CFAP77: variants seen among roughly 807,000 people sequenced by gnomAD.
The protein encoded by CFAP77 is cilia and flagella associated protein 77.
In CFAP77, 25 loss-of-function variants were observed where a neutral mutation model predicts 31.1. The ratio of observed to expected loss-of-function variants is 0.80; its 90% CI spans 0.59 to 1.12. The LOEUF is 1.12. CFAP77 is among the 50% of genes most tolerant of loss of function. CFAP77 has a pLI of 0.00. For synonymous variants in CFAP77, 151 were observed against 159.9 expected, an observed-to-expected ratio of 0.94 and a Z score of 0.42; for missense variants, 377 against 397.3, an observed-to-expected ratio of 0.95 and a Z score of 0.44.
In CFAP77 at chr9:132,542,997, A is replaced by G. The variant is rs1852671522; in HGVS notation, c.682A>G (p.Lys228Glu). Residue 228 changes from lysine to glutamate, a missense_variant, in exon 5 of 6, where the codon AAG becomes GAG. Lys to Glu is a moderately conservative substitution (Grantham distance 56). Transcript: ENST00000393216. ...ETRSSQLRKY[K>E]PPVKLDTLWH... ...CCGGAGCAGTCAGCTGAGGAAGTACAAGCCGCCCGTGAAGCTGGACACCCT... is the reference window on the plus strand; with the variant it reads ...CCGGAGCAGTCAGCTGAGGAAGTACGAGCCGCCCGTGAAGCTGGACACCCT... 1.9e-6 allele frequency: 3 copies of G among 1,613,994 alleles called. No individual in the cohort carries two copies. In the African/African-American group the frequency reaches 4.0e-5, roughly 22 times the overall value.
chr9:132,572,465 C>T lies in CFAP77; in HGVS notation c.810C>T (p.Ala270=), dbSNP rs145044489. The change falls in exon 6 of 6, where the codon GCC becomes GCT. Residue 270 remains alanine, a synonymous_variant. Transcript: ENST00000393216. The part of the protein sequence containing the change: ...RALKAHREEC[A]VRQGTLRMGN... ...TAAAAGCCCACCGGGAAGAGTGTGC[C>T]GTGCGCCAGGGGACCCTGCGGATGG... 65 of 1,611,074 alleles carry T rather than the reference C, an allele frequency of 4.0e-5. 1 individual carries two copies. The Middle Eastern group carries it at 4.9e-4, about 12-fold the overall frequency.
intron 1 of CFAP77, among the ~76,000 whole-genome samples, chr9:132,415,522 C>G (rs1420043158): frequency 6.6e-6 from 1 of 152,216 alleles, no homozygotes; most frequent in Non-Finnish European, 1.5e-5. Context: ...GTTAATTAAG[C>G]GCAGACCTCA....
At chr9:132,417,502 G>A (rs1850125260) in intron 1 of CFAP77, among the ~76,000 whole-genome samples, 1 of 152,236 alleles carries the variant, frequency 6.6e-6, no homozygotes, top group African/African-American at 2.4e-5. Context: ...CAGCAGAGAG[G>A]AAGGCCAGCA....
At chr9:132,571,829 T>C (rs1338538779) in intron 5 of CFAP77, among the ~76,000 whole-genome samples, 1 of 151,678 alleles carries the variant, frequency 6.6e-6, no homozygotes, top group African/African-American at 2.4e-5. Context: ...GAGATACCGA[T>C]TGCACAAAAT....
intron 5 of CFAP77, among the ~76,000 whole-genome samples, chr9:132,551,282 CTT>C (rs35744884): frequency 0.011 from 1,615 of 143,294 alleles, 36 homozygotes; most frequent in African/African-American, 0.039. Context: ...CCTGGGTGCC[CTT>C]TTTTTTTTTT....
chr9:132,539,605 G>T lies in CFAP77; in HGVS notation c.630+1899G>T, dbSNP rs985998530. Among the ~76,000 whole-genome samples, 1 of 152,130 alleles carries T rather than the reference G, an allele frequency of 6.6e-6. No individual in the cohort carries two copies. The highest frequency in any genetic ancestry group is 2.1e-4 in the South Asian group (1 of 4,818). ...TTCTAGGGCCAACCAGGGGATCGGAGGAGTCTTTCTCGAAATCCTGGTACC... is the reference window on the plus strand; with the variant it reads ...TTCTAGGGCCAACCAGGGGATCGGATGAGTCTTTCTCGAAATCCTGGTACC... On this transcript the variant is annotated intron_variant, in intron 4 of 5. Coordinates refer to ENST00000393216, the MANE Select transcript of CFAP77 (RefSeq NM_001282957.2). This position sits in a 1 kb window ranked among gnomAD's most constrained non-coding sequence, Gnocchi z 4.3.
chr9:132,552,744 C>G lies in CFAP77; in HGVS notation c.732+9697C>G, dbSNP rs974324321. Among the ~76,000 whole-genome samples, 2 of 151,480 alleles carry G rather than the reference C, an allele frequency of 1.3e-5. No individual in the cohort carries two copies. The highest frequency in any genetic ancestry group is 2.9e-5 in the Non-Finnish European group (2 of 67,924). On this transcript the variant is annotated intron_variant, in intron 5 of 5. Coordinates refer to ENST00000393216, the MANE Select transcript of CFAP77 (RefSeq NM_001282957.2). The surrounding 1 kb of genome is among the most constrained non-coding windows in gnomAD (Gnocchi z 5.5). ...TCCAGGGCCTCTCCAGGACTCTGAT[C>G]CAGTGGGTCTGGGACAGCCACCAAA... is the stretch of plus-strand genomic sequence containing the variant.
chr9:132,495,541 T>C lies in CFAP77; in HGVS notation c.196-3154T>C, dbSNP rs1465669668. Among the ~76,000 whole-genome samples, 1 of 152,116 alleles carries C rather than the reference T, an allele frequency of 6.6e-6. No individual in the cohort carries two copies. Among genetic ancestry groups the C allele is most frequent in the Non-Finnish European group, 1.5e-5 (1 of 68,014 alleles). On this transcript the variant is annotated intron_variant, in intron 1 of 5. Coordinates refer to ENST00000393216, the MANE Select transcript of CFAP77 (RefSeq NM_001282957.2). The surrounding 1 kb of genome is among the most constrained non-coding windows in gnomAD (Gnocchi z 4.2). The stretch of plus-strand genomic sequence containing the variant: ...AACAAGCCACCCTGCAGGGTCCCCA[T>C]GCACCCGCCTGAAACTCAGAGCCCC...
intron 3 of CFAP77, among the ~76,000 whole-genome samples, chr9:132,500,982 T>C (rs1291097875): frequency 6.6e-6 from 1 of 152,252 alleles, no homozygotes; most frequent in African/African-American, 2.4e-5. Context: ...TCTTCCAGAA[T>C]TGGCCCTTCC....
At chr9:132,486,050 ATGTATGTGTGTGTGTG>A (rs1851544454) in intron 1 of CFAP77, among the ~76,000 whole-genome samples, 7 of 36,076 alleles carry the variant, frequency 1.9e-4, no homozygotes, top group Non-Finnish European at 2.6e-4. Context: ...ATGTATGTAT[ATGTATGTGTGTGTGTG>A]TATATATATA....
intron 1 of CFAP77, among the ~76,000 whole-genome samples, chr9:132,465,514 C>T (rs768502553): frequency 6.6e-6 from 1 of 152,120 alleles, no homozygotes; most frequent in Non-Finnish European, 1.5e-5. Flanking sequence ...GCAGATCCCA[C>T]GTGTGCAGGG....
chr9:132,482,698 G>A (rs1851469460), intron 1 of CFAP77, among the ~76,000 whole-genome samples: 1 of 151,304 alleles, frequency 6.6e-6, no homozygotes, highest in South Asian at 2.1e-4. Flanking sequence ...ACATCGAGTG[G>A]GCGCTGGCAA....
chr9:132,475,103 T>C (rs1851329666), intron 1 of CFAP77, among the ~76,000 whole-genome samples: 1 of 152,228 alleles, frequency 6.6e-6, no homozygotes, highest in Non-Finnish European at 1.5e-5. Flanking sequence ...CCAATAGAGA[T>C]GATTTAGGAC....
chr9:132,507,067 A>G (rs1264979871), intron 3 of CFAP77, among the ~76,000 whole-genome samples: 1 of 152,230 alleles, frequency 6.6e-6, no homozygotes, highest in Admixed American at 6.5e-5. Flanking sequence ...TAATCTGAAC[A>G]GACCCAAAGA....
chr9:132,521,109 C>G (rs907392940), intron 3 of CFAP77, among the ~76,000 whole-genome samples: 1 of 152,222 alleles, frequency 6.6e-6, no homozygotes, highest in Non-Finnish European at 1.5e-5. Context: ...GGGGTTGCTT[C>G]CATGGCGTCT....
chr9:132,433,706 C>T (rs564063414), intron 1 of CFAP77, among the ~76,000 whole-genome samples: 1 of 152,058 alleles, frequency 6.6e-6, no homozygotes, highest in Non-Finnish European at 1.5e-5. Flanking sequence ...AGCCACCATG[C>T]CCAGCTAATT....
intron 1 of CFAP77, among the ~76,000 whole-genome samples, chr9:132,433,458 C>T (rs573883363): frequency 6.6e-6 from 1 of 152,334 alleles, no homozygotes; most frequent in South Asian, 2.1e-4. Flanking sequence ...AACTAGCCAC[C>T]TGCCTGTGGG....
chr9:132,480,861 G>A lies in CFAP77; in HGVS notation c.196-17834G>A, dbSNP rs750507521. Among the ~76,000 whole-genome samples, 5 of 152,110 alleles carry A rather than the reference G, an allele frequency of 3.3e-5. No individual in the cohort carries two copies. Among genetic ancestry groups the A allele is most frequent in the Admixed American group, 6.5e-5 (1 of 15,268 alleles). On this transcript the variant is annotated intron_variant, in intron 1 of 5. Coordinates refer to ENST00000393216, the MANE Select transcript of CFAP77 (RefSeq NM_001282957.2). This position sits in a 1 kb window ranked among gnomAD's most constrained non-coding sequence, Gnocchi z 5.8. ...CCAGGGCAGAAAGCGGACGGTGAGC[G>A]AGAGGGCATAAGATGAGGCCAAGGC...
At chr9:132,549,062 T>C (rs531613539) in intron 5 of CFAP77, among the ~76,000 whole-genome samples, 2 of 152,290 alleles carry the variant, frequency 1.3e-5, no homozygotes, top group South Asian at 4.1e-4. Flanking sequence ...TGCAGCTGAT[T>C]AGTGAAAGCT....
Sources: allele counts gnomAD v4.1 joint callset (sites outside exome capture counted in the v4.1 genomes callset), GRCh38; gene constraint gnomAD v4.1.1; non-coding constraint Gnocchi (gnomAD v3.1); transcripts MANE v1.5; gene names NCBI Gene and HGNC (gene_info 2026-07-23, HGNC 2026-07-21).